The following MAN2C1 variants were observed in gnomAD, a reference collection of about 807,000 sequenced individuals.
MAN2C1 encodes the protein mannosidase alpha class 2C member 1, also known as alpha-mannosidase 2C1.
MAN2C1 carries 111 observed loss-of-function variants against 126.9 expected under a neutral mutation model. That is an observed-to-expected ratio of 0.87 (90% CI 0.75 to 1.02). The LOEUF is 1.02. Ranked by LOEUF, MAN2C1 falls within the 50% of genes least tolerant of loss-of-function variation. The pLI is 0.00. For synonymous variants in MAN2C1, 567 were observed against 561.5 expected, an observed-to-expected ratio of 1.01 and a Z score of -0.14; for missense variants, 1,363 against 1,364.4, an observed-to-expected ratio of 1.00 and a Z score of 0.02.
At position 75,355,854 on chromosome 15, in the gene MAN2C1, G is replaced by A. The variant is rs1128995; in HGVS notation, c.*52C>T. On this transcript the variant is annotated 3_prime_UTR_variant, in exon 26 of 26. Transcript: ENST00000267978. ...ATCCCTGCTTTAGGCTGGGGAAGCA[G>A]AAATTAGGAGTCCCCAGAGCCTTCT... is the stretch of plus-strand genomic sequence containing the variant. 6.2e-7 allele frequency: 1 copy of A among 1,606,934 alleles called. No individual in the cohort carries two copies. Among genetic ancestry groups the A allele is most frequent in the Non-Finnish European group, 8.5e-7 (1 of 1,176,388 alleles).
Position 75,362,552 on chromosome 15 carries a change from C to T in MAN2C1, c.897+90G>A. The T allele has an allele frequency of 1.3e-6, 2 of 1,536,894 alleles. No homozygotes were observed. The highest frequency in any genetic ancestry group is 1.8e-5 in the Admixed American group (1 of 54,866). On this transcript the variant is annotated intron_variant, in intron 7 of 25. Coordinates refer to ENST00000267978, the MANE Select transcript of MAN2C1 (RefSeq NM_006715.4). This position sits in a 1 kb window ranked among gnomAD's most constrained non-coding sequence, Gnocchi z 4.5. ...TGTGTGGCTGAGGGTGAGGAGCAGC[C>T]CTGACCCCAGGCCTGGGAAGCCTTC... is the stretch of plus-strand genomic sequence containing the variant.
chr15:75,361,662 C>T lies in MAN2C1; in HGVS notation c.1160G>A (p.Cys387Tyr), dbSNP rs750327343. The T allele has an allele frequency of 2.5e-6, 4 of 1,613,926 alleles. No individual in the cohort carries two copies. In the East Asian group the frequency reaches 6.7e-5, roughly 27 times the overall value. The change falls in exon 10 of 26, where the codon TGT (cysteine) becomes TAT (tyrosine). Residue 387 changes from cysteine (C) to tyrosine (Y), a missense_variant. Transcript: ENST00000267978. This position sits in a 1 kb window ranked among gnomAD's most constrained non-coding sequence, Gnocchi z 5.0. Reference protein sequence around the residue: ...SAQLPQIMHGCGIRRFLTQKL... With the variant: ...SAQLPQIMHGYGIRRFLTQKL... ...CTGGGTGAGAAAGCGCCTGATGCCA[C>T]AGCCGTGCATGATCTGGGGGAGCTG...
chr15:75,363,192 G>A (rs1297125924), intron 6 of MAN2C1: 1 of 457,050 alleles, frequency 2.2e-6, no homozygotes, highest in East Asian at 6.9e-5. Context: ...TACCAGCCCA[G>A]AACCTCTCAC....
chr15:75,365,915 T>C (rs2072565758), intron 4 of MAN2C1: 2 of 438,488 alleles, frequency 4.6e-6, no homozygotes, highest in Non-Finnish European at 9.0e-6. Flanking sequence ...TGAAACCCTT[T>C]CTCTACCAAA....
At chr15:75,366,830 T>C (rs546316642) in intron 3 of MAN2C1, among the ~76,000 whole-genome samples, 2 of 152,322 alleles carry the variant, frequency 1.3e-5, no homozygotes, top group African/African-American at 4.8e-5. Flanking sequence ...CATGGTCTTA[T>C]GGGAAGGGCC....
Position 75,362,284 on chromosome 15 carries a change from T to G in MAN2C1, c.1008+59A>C. 1 of 1,479,726 alleles carries G rather than the reference T, an allele frequency of 6.8e-7. No homozygotes were observed. The highest frequency in any genetic ancestry group is 1.1e-5 in the South Asian group (1 of 87,486). 91.7% of individuals were successfully genotyped at this position (1,479,726 alleles called of 1,614,324 possible). Reference sequence around the variant, plus strand: ...ACCAGCAAAGCCGGGAGGGCGGGGCTACCTGAGGGAAGGCTGTTGTCATAC... The same window carrying G: ...ACCAGCAAAGCCGGGAGGGCGGGGCGACCTGAGGGAAGGCTGTTGTCATAC... On this transcript the variant is annotated intron_variant, in intron 8 of 25. Transcript: ENST00000267978. The surrounding 1 kb of genome is among the most constrained non-coding windows in gnomAD (Gnocchi z 4.5).
chr15:75,361,443 G>C lies in MAN2C1; in HGVS notation c.1219-62C>G. On this transcript the variant is annotated intron_variant, in intron 10 of 25. Transcript: ENST00000267978. The surrounding 1 kb of genome is among the most constrained non-coding windows in gnomAD (Gnocchi z 5.0). Reference sequence around the variant, plus strand: ...AGAGTCAGGGCTGAGGCAGAGCCAGGCCTTCCAGACTTGGTCCTGCCCCTG... The same window carrying C: ...AGAGTCAGGGCTGAGGCAGAGCCAGCCCTTCCAGACTTGGTCCTGCCCCTG... 1.4e-6 allele frequency: 2 copies of C among 1,405,738 alleles called. No homozygotes were observed. The highest frequency in any genetic ancestry group is 2.0e-6 in the Non-Finnish European group (2 of 1,000,214). 87.1% of individuals were successfully genotyped at this position (1,405,738 alleles called of 1,614,324 possible).
chr15:75,367,810 G>T, intron 2 of MAN2C1, 176 bp from the exon 3 acceptor site: 1 of 914,724 alleles, frequency 1.1e-6, no homozygotes, highest in Non-Finnish European at 1.6e-6. Flanking sequence ...AGGGAAACAG[G>T]CAGAGGCGTC....
rs749184452 is a variant in MAN2C1, at chr15:75,358,548, ACC to A, written c.2315_2316del (p.Trp772PhefsTer12). The A allele has an allele frequency of 1.9e-6, 3 of 1,613,402 alleles. No homozygotes were observed. In the Admixed American group the frequency reaches 5.0e-5, roughly 27 times the overall value. On this transcript the variant is annotated frameshift_variant, in exon 20 of 26. Transcript: ENST00000267978. LOFTEE classifies it high-confidence loss of function. The stretch of plus-strand genomic sequence containing the variant: ...CTGTTGGGGCTGATCTGTAGCAAGA[ACC>A]AGGCGCTGCCCCGCAGGCCGCCCTC... Reference protein sequence around the residue: ...GTEGGLRGSAWFLLQISPNSR... With the variant: ...GTEGGLRGSAXFLLQISPNSR...
intron 3 of MAN2C1, among the ~76,000 whole-genome samples, chr15:75,366,796 G>A (rs2072584269): frequency 6.6e-6 from 1 of 152,220 alleles, no homozygotes; most frequent in African/African-American, 2.4e-5. Flanking sequence ...CCGTCAAATA[G>A]CCCCTGTTTA....
rs377647987 is a variant in MAN2C1 at position 75,356,197 on chromosome 15, C to G, written c.2909G>C (p.Arg970Pro). Residue 970 changes from arginine to proline, a missense_variant, in exon 25 of 26, where the codon CGC (arginine) becomes CCC (proline). By Grantham distance (103) the Arg-to-Pro change is moderately radical. Coordinates refer to ENST00000267978, the MANE Select transcript of MAN2C1 (RefSeq NM_006715.4). The surrounding 1 kb of genome is among the most constrained non-coding windows in gnomAD (Gnocchi z 5.8). ...VKQAESSPQR[R>P]SLVLRLYEAH... ...CTCATACAGCCTCAGGACCAGCGAG[C>G]GGCGCTGGGGGCTGCTCTCCGCCTG... is the stretch of plus-strand genomic sequence containing the variant. The G allele has an allele frequency of 6.2e-7, 1 of 1,613,380 alleles. No individual in the cohort carries two copies. Among genetic ancestry groups the G allele is most frequent in the Non-Finnish European group, 8.5e-7 (1 of 1,179,930 alleles).
rs777285189 is a variant in MAN2C1, at chr15:75,361,019, TA to T, written c.1460+26del. 2 of 1,597,064 alleles carry T rather than the reference TA, an allele frequency of 1.3e-6. No homozygotes were observed. The highest frequency in any genetic ancestry group is 1.7e-6 in the Non-Finnish European group (2 of 1,172,552). On this transcript the variant is annotated intron_variant, in intron 12 of 25. Coordinates refer to ENST00000267978, the MANE Select transcript of MAN2C1 (RefSeq NM_006715.4). This position sits in a 1 kb window ranked among gnomAD's most constrained non-coding sequence, Gnocchi z 5.0. ...TCATGGCAAGGGCCCAGGGTGGGGC[TA>T]AAGGAGAGCCAAGGCCTGGCCTGAC...
Position 75,364,478 on chromosome 15 carries a change from T to G in MAN2C1, c.600+10A>C. 6.4e-7 allele frequency: 1 copy of G among 1,569,304 alleles called. No individual in the cohort carries two copies. Among genetic ancestry groups the G allele is most frequent in the Non-Finnish European group, 8.6e-7 (1 of 1,156,574 alleles). ...AGAGGGTAGCAGGGGGTACAGGGGG[T>G]GTCAAGTACCTTGGCTATGCCCAGC... On this transcript the variant is annotated intron_variant, in intron 5 of 25. Coordinates refer to ENST00000267978, the MANE Select transcript of MAN2C1 (RefSeq NM_006715.4).
At position 75,367,564 on chromosome 15, in the gene MAN2C1, A is replaced by G. The variant is rs756803046; in HGVS notation, c.298T>C (p.Cys100Arg). ...AGACCTTCTCCATCACTTTCCCAGC[A>G]AAGGTGAACTTCCTGGCCCACCCAT... ...EAWVGQEVHLCWESDGEGLVW... is the reference protein window; with the variant it reads ...EAWVGQEVHLRWESDGEGLVW... Residue 100 changes from cysteine (C) to arginine (R), a missense_variant, in exon 3 of 26, where the codon TGC (cysteine) becomes CGC (arginine). By Grantham distance (180) the Cys-to-Arg change is radical (BLOSUM62 -3). This residue lies in a region of MAN2C1 where 628 missense variants were observed against 609.8 expected (regional missense o/e 1.03). Coordinates refer to ENST00000267978, the MANE Select transcript of MAN2C1 (RefSeq NM_006715.4). The G allele has an allele frequency of 1.2e-6, 2 of 1,614,212 alleles. No homozygotes were observed. Among genetic ancestry groups the G allele is most frequent in the Admixed American group, 1.7e-5 (1 of 60,018 alleles).
At position 75,356,261 on chromosome 15, in the gene MAN2C1, C is replaced by G; in HGVS notation, c.2886+40G>C. 6.2e-7 allele frequency: 1 copy of G among 1,612,148 alleles called. No homozygotes were observed. Among genetic ancestry groups the G allele is most frequent in the Non-Finnish European group, 8.5e-7 (1 of 1,179,358 alleles). On this transcript the variant is annotated intron_variant, in intron 24 of 25. Coordinates refer to ENST00000267978, the MANE Select transcript of MAN2C1 (RefSeq NM_006715.4). The surrounding 1 kb of genome is among the most constrained non-coding windows in gnomAD (Gnocchi z 5.8). ...CTGGTGGGAGGGGCCGAGGGCAGGC[C>G]CAGTTCGGAACCCCGTCCCCAGCAC... is the stretch of plus-strand genomic sequence containing the variant.
chr15:75,358,566 G>A lies in MAN2C1; in HGVS notation c.2299C>T (p.Leu767=). ...GTLAVGTEGG[L]RGSAWFLLQI... is the part of the protein sequence containing the mutation. ...AGCAAGAACCAGGCGCTGCCCCGCAGGCCGCCCTCGGTGCCCACTGCCAGG... is the reference window on the plus strand; with the variant it reads ...AGCAAGAACCAGGCGCTGCCCCGCAAGCCGCCCTCGGTGCCCACTGCCAGG... Residue 767 remains leucine (L), a synonymous_variant, in exon 20 of 26, where the codon CTG becomes TTG. Coordinates refer to ENST00000267978, the MANE Select transcript of MAN2C1 (RefSeq NM_006715.4). 6.2e-7 allele frequency: 1 copy of A among 1,613,414 alleles called. No individual in the cohort carries two copies.
At chr15:75,358,122 CCTCCCCAGCCTGTTCCACACAAGCAGT>C in intron 21 of MAN2C1, 52 bp downstream of exon 21, 4 of 1,543,958 alleles carry the variant, frequency 2.6e-6, no homozygotes, top group South Asian at 1.1e-5. Context: ...TTATCCTCTT[CCTCCCCAGCCTGTTCCACACAAGCAGT>C]CTCCCCAGCC....
rs140379576 is a variant in MAN2C1 at position 75,363,969 on chromosome 15, CCCAG to C, written c.790+26_790+29del. 9,882 of 1,610,994 alleles carry C rather than the reference CCCAG, an allele frequency of 6.1e-3. 637 individuals are homozygous for C. The Admixed American group carries it at 0.12, about 20-fold the overall frequency. ...AGGTCTTCAAGGGCACTCCTGCTTC[CCCAG>C]CCAGCCCAACCAGCTGCTGTCCTAC... is the stretch of plus-strand genomic sequence containing the variant. On this transcript the variant is annotated intron_variant, in intron 6 of 25. Coordinates refer to ENST00000267978, the MANE Select transcript of MAN2C1 (RefSeq NM_006715.4).
At position 75,366,068 on chromosome 15, in the gene MAN2C1, CAGAG is replaced by C. The variant is rs543042373; in HGVS notation, c.422+450_422+453del. Reference sequence around the variant, plus strand: ...TGCTACTGTACTCCAGCATCGGCGACAGAGGGAGACTTCGTCTCAAAAAAAAGAA... The same window carrying C: ...TGCTACTGTACTCCAGCATCGGCGACGGAGACTTCGTCTCAAAAAAAAGAA... On this transcript the variant is annotated intron_variant, in intron 4 of 25. Coordinates refer to ENST00000267978, the MANE Select transcript of MAN2C1 (RefSeq NM_006715.4). 1.6e-3 allele frequency: 515 copies of C among 319,694 alleles called. 7 individuals are homozygous for C. Among genetic ancestry groups the C allele is most frequent in the Middle Eastern group, 0.015 (37 of 2,412 alleles). 19.8% of individuals were successfully genotyped at this position (319,694 alleles called of 1,614,324 possible).
Sources: gnomAD v4.1 joint callset for allele counts (sites outside exome capture counted in the v4.1 genomes callset) on GRCh38, gnomAD v4.1.1 for gene constraint, gnomAD v4.1.1 regional missense constraint, Gnocchi (gnomAD v3.1) non-coding constraint, MANE v1.5 for transcripts, NCBI Gene and HGNC (gene_info 2026-07-23, HGNC 2026-07-21) for gene names.